Variants in ANK3 observed in about 807,000 individuals in gnomAD.
ANK3 encodes the protein ankyrin 3, also known as ankyrin-3.
Under a neutral mutation model 370.9 loss-of-function variants are expected in ANK3, and 57 were observed. The ratio of observed to expected loss-of-function variants is 0.15; its 90% CI spans 0.12 to 0.19. The LOEUF is 0.19. ANK3 is among the 10% of genes least tolerant of loss of function. ANK3 has a pLI of 1.00. For synonymous variants in ANK3, 1,929 were observed against 1,946.3 expected, an observed-to-expected ratio of 0.99 and a Z score of 0.23; for missense variants, 4,439 against 5,302.1, an observed-to-expected ratio of 0.84 and a Z score of 5.06.
At chr10:60,556,782 TATA>T (rs1223267408) in intron 2 of ANK3, among the ~76,000 whole-genome samples, 4 of 152,136 alleles carry the variant, frequency 2.6e-5, no homozygotes, top group Admixed American at 6.5e-5. Flanking sequence ...AACATGGAAG[TATA>T]ATACTAGGCC....
chr10:60,259,273 A>G (rs2097773544), intron 7 of ANK3, among the ~76,000 whole-genome samples: 1 of 152,188 alleles, frequency 6.6e-6, no homozygotes, highest in Non-Finnish European at 1.5e-5. Context: ...AAAGCCAGTC[A>G]TCAATCACCC....
intron 2 of ANK3, among the ~76,000 whole-genome samples, chr10:60,528,375 A>G (rs2076528567): frequency 6.6e-6 from 1 of 151,972 alleles, no homozygotes; most frequent in African/African-American, 2.4e-5. Flanking sequence ...ACCTCAGGCA[A>G]TCCACCCACC....
rs780019630 is a variant in ANK3 at position 60,073,807 on chromosome 10, C to T, written c.7074G>A (p.Met2358Ile). ...GGGATAAGTCTTTCTGATATACATA[C>T]ATTTCTTTTTCTGGATGCTTTTTGG... Reference protein sequence around the residue: ...RETKKHPEKEMYVYQKDLSRG... With the variant: ...RETKKHPEKEIYVYQKDLSRG... The change falls in exon 37 of 44, where the codon ATG becomes ATA. Residue 2358 changes from methionine to isoleucine, a missense_variant. Met to Ile is a conservative substitution (Grantham distance 10). Transcript: ENST00000280772. The T allele has an allele frequency of 1.2e-6, 2 of 1,613,362 alleles. No individual in the cohort carries two copies. The highest frequency in any genetic ancestry group is 2.2e-5 in the East Asian group (1 of 44,878).
intron 2 of ANK3, among the ~76,000 whole-genome samples, chr10:60,497,753 A>C (rs2075696643): frequency 6.6e-6 from 1 of 152,162 alleles, no homozygotes; most frequent in Admixed American, 6.5e-5. Flanking sequence ...TCGCAGTTTT[A>C]AAAAGCTACT....
In ANK3 at chr10:60,594,682, G is replaced by A. The variant is rs113440793; in HGVS notation, c.96+20504C>T. ...AATGTAGACACAGCAAATTTTTTAT[G>A]AGTTTTGCCATTTGTGATCTGTAAT... On this transcript the variant is annotated intron_variant, in intron 2 of 43. Coordinates refer to the ANK3 transcript ENST00000373827. Among the ~76,000 whole-genome samples, 1,395 of 152,152 alleles carry A rather than the reference G, an allele frequency of 9.2e-3. 27 individuals carry two copies. Among genetic ancestry groups the A allele is most frequent in the African/African-American group, 0.032 (1,312 of 41,516 alleles).
intron 2 of ANK3, among the ~76,000 whole-genome samples, chr10:60,459,736 G>C (rs755423686): frequency 9.2e-5 from 14 of 152,044 alleles, no homozygotes; most frequent in Non-Finnish European, 1.6e-4. Flanking sequence ...TGAACCAAAG[G>C]CATCTCAGAT....
At chr10:60,727,492 G>A (rs1438505469) in intron 1 of ANK3, among the ~76,000 whole-genome samples, 2 of 151,994 alleles carry the variant, frequency 1.3e-5, no homozygotes, top group Non-Finnish European at 2.9e-5. Context: ...ATTGTGATAG[G>A]GTTTGATAAC....
chr10:60,057,785 T>G (rs1005787487), intron 41 of ANK3, among the ~76,000 whole-genome samples: 2 of 152,218 alleles, frequency 1.3e-5, no homozygotes, highest in Non-Finnish European at 2.9e-5. Context: ...CTATATCTAT[T>G]CCCTGATATG....
rs1318575085 is a variant in ANK3 at position 60,263,710 on chromosome 10, G to A, written c.699+125C>T. On this transcript the variant is annotated intron_variant, in intron 6 of 43. Coordinates refer to ENST00000280772, the MANE Select transcript of ANK3 (RefSeq NM_020987.5). Reference sequence around the variant, plus strand: ...TCAGTGGCTAGCTCAGACACACATTGTTCCTCCCTTCAATGAAGTTAAAGG... The same window carrying A: ...TCAGTGGCTAGCTCAGACACACATTATTCCTCCCTTCAATGAAGTTAAAGG... The A allele has an allele frequency of 3.6e-6, 4 of 1,101,030 alleles. No homozygotes were observed. The African/African-American group carries it at 4.7e-5, about 13-fold the overall frequency. 68.2% of individuals were successfully genotyped at this position (1,101,030 alleles called of 1,614,324 possible).
chr10:60,666,810 A>G (rs1361638223), intron 1 of ANK3, among the ~76,000 whole-genome samples: 1 of 152,182 alleles, frequency 6.6e-6, no homozygotes, highest in African/African-American at 2.4e-5. Context: ...GGGTGCCTAA[A>G]ACTGCACATA....
intron 1 of ANK3, among the ~76,000 whole-genome samples, chr10:60,708,590 T>C (rs1268483367): frequency 6.6e-6 from 1 of 152,170 alleles, no homozygotes; most frequent in Non-Finnish European, 1.5e-5. Flanking sequence ...CATTCTGTTT[T>C]CCTTAATAAA....
At chr10:60,211,892 C>CAAAAAAAAAAAAAAAAAAAA (rs72238553) in intron 9 of ANK3, among the ~76,000 whole-genome samples, 1 of 93,400 alleles carries the variant, frequency 1.1e-5, no homozygotes, top group African/African-American at 4.8e-5. Context: ...AATACAGAGC[C>CAAAAAAAAAAAAAAAAAAAA]AAAAAAAAAA....
At chr10:60,206,901 A>G (rs977541081) in intron 10 of ANK3, among the ~76,000 whole-genome samples, 10 of 152,344 alleles carry the variant, frequency 6.6e-5, no homozygotes, top group Admixed American at 2.6e-4. Flanking sequence ...GAGGCTTCTC[A>G]GACCATTTGG....
At chr10:60,210,564 C>T (rs1030583699) in intron 9 of ANK3, among the ~76,000 whole-genome samples, 1 of 152,190 alleles carries the variant, frequency 6.6e-6, no homozygotes, top group Non-Finnish European at 1.5e-5. Flanking sequence ...AGTCTATCCT[C>T]AGTGCAGAGG....
At position 60,030,377 on chromosome 10, in the gene ANK3, C is replaced by G. The variant is rs148592025; in HGVS notation, c.*20-551G>C. Among the ~76,000 whole-genome samples, 1,474 of 152,182 alleles carry G rather than the reference C, an allele frequency of 9.7e-3. 29 individuals are homozygous for G. The highest frequency in any genetic ancestry group is 0.04 in the South Asian group (193 of 4,820). On this transcript the variant is annotated intron_variant, in intron 43 of 43. Coordinates refer to ENST00000280772, the MANE Select transcript of ANK3 (RefSeq NM_020987.5). Reference sequence around the variant, plus strand: ...CAGGATGGTCTCGATCTCCTGACCTCGTGAGCCGCCCACCTTGGCCTCCCA... The same window carrying G: ...CAGGATGGTCTCGATCTCCTGACCTGGTGAGCCGCCCACCTTGGCCTCCCA...
chr10:60,469,878 A>C (rs1219190416), intron 2 of ANK3, among the ~76,000 whole-genome samples: 1 of 151,674 alleles, frequency 6.6e-6, no homozygotes, highest in Non-Finnish European at 1.5e-5. Flanking sequence ...TTCTCTCACC[A>C]AATTGACTGT....
At chr10:60,433,480 C>G (rs936906559) in intron 2 of ANK3, among the ~76,000 whole-genome samples, 1 of 152,060 alleles carries the variant, frequency 6.6e-6, no homozygotes, top group African/African-American at 2.4e-5. Flanking sequence ...TAATCACAGC[C>G]ATGTTGGGAG....
chr10:60,438,923 C>A (rs2064224714), intron 2 of ANK3, among the ~76,000 whole-genome samples: 1 of 152,190 alleles, frequency 6.6e-6, no homozygotes, highest in Admixed American at 6.5e-5. Flanking sequence ...ACAGAATGAA[C>A]ATCTCTCCCC....
chr10:60,407,539 C>T (rs1196562134), intron 2 of ANK3, among the ~76,000 whole-genome samples: 4 of 152,166 alleles, frequency 2.6e-5, no homozygotes, highest in African/African-American at 9.7e-5. Context: ...ATAATAGATC[C>T]ATTTAATGAG....
Sources: gnomAD v4.1 joint callset for allele counts (sites outside exome capture counted in the v4.1 genomes callset) on GRCh38, gnomAD v4.1.1 for gene constraint, MANE v1.5 for transcripts, NCBI Gene and HGNC (gene_info 2026-07-23, HGNC 2026-07-21) for gene names.